Variants in ADGRL3 observed in about 807,000 individuals in gnomAD.
The protein encoded by ADGRL3 is calcium-independent alpha-latrotoxin receptor 3.
Under a neutral mutation model 153.5 loss-of-function variants are expected in ADGRL3, and 62 were observed. The observed-to-expected ratio is 0.40, with a 90% CI of 0.33 to 0.50. The LOEUF is 0.50. Among genes scored for constraint, ADGRL3 ranks in the 20% least tolerant of loss-of-function variants. The pLI, the probability that ADGRL3 is intolerant of heterozygous loss-of-function variation, is 0.47. For missense variants in ADGRL3, 1,641 were observed against 1,859.4 expected (o/e 0.88, Z 2.16); for synonymous variants, 710 against 672.5 (o/e 1.06, Z -0.86).
intron 9 of ADGRL3, among the ~76,000 whole-genome samples, chr4:61,838,223 A>T (rs1028789384): frequency 5.3e-5 from 8 of 152,140 alleles, no homozygotes; most frequent in Admixed American, 5.2e-4. Flanking sequence ...TCTATAAACC[A>T]CTTTGACCAT....
At chr4:61,213,567 C>G in intron 1 of ADGRL3, among the ~76,000 whole-genome samples, 1 of 152,100 alleles carries the variant, frequency 6.6e-6, no homozygotes. Flanking sequence ...TGGCATACCA[C>G]TGTGTTCACA....
At chr4:61,813,769 A>G in intron 8 of ADGRL3, 40 bp from the exon 9 acceptor site, 1 of 1,602,802 alleles carries the variant, frequency 6.2e-7, no homozygotes, top group South Asian at 1.1e-5. Flanking sequence ...GAAAAGACAT[A>G]CGTATGATGT....
At chr4:61,812,871 A>T (rs562225394) in intron 8 of ADGRL3, among the ~76,000 whole-genome samples, 2 of 152,266 alleles carry the variant, frequency 1.3e-5, no homozygotes, top group East Asian at 1.9e-4. Context: ...TAATCCATCT[A>T]CTTCCCTTTT....
intron 4 of ADGRL3, among the ~76,000 whole-genome samples, chr4:61,545,767 G>A (rs181568166): frequency 1.2e-4 from 19 of 152,122 alleles, no homozygotes; most frequent in African/African-American, 4.3e-4. Flanking sequence ...TTCCTGCCTC[G>A]GCCTCCCAAA....
chr4:61,586,742 C>A (rs1218754593), intron 4 of ADGRL3, among the ~76,000 whole-genome samples: 2 of 151,906 alleles, frequency 1.3e-5, no homozygotes, highest in African/African-American at 4.8e-5. Flanking sequence ...AGTGAACTCA[C>A]AAAGTATTGC....
rs1346300031 is a variant in ADGRL3, at chr4:61,517,441, A to T, written c.182A>T (p.His61Leu). 9 of 799,014 alleles carry T rather than the reference A, an allele frequency of 1.1e-5. No homozygotes were observed. The highest frequency in any genetic ancestry group is 2.9e-5 in the South Asian group (2 of 69,378). The allele number at this position is 799,014 out of a possible 1,614,324, so 49.5% of individuals were successfully genotyped here. A position where few individuals can be genotyped will look rare whatever the true frequency, so the allele number is the denominator to read the frequency against. The part of the protein sequence containing the change: ...QQPAAERTAA[H>L]RGQGPRGATR... ...CCAGCTGCAGAGCGCACCGCTGCTC[A>T]TCGTGGACAAGGGCCCCGTGGAGCT... The change falls in exon 4 of 27, where the codon CAT becomes CTT. Residue 61 changes from histidine to leucine, a missense_variant. His to Leu is a moderately conservative substitution (Grantham distance 99, BLOSUM62 -3). This residue lies in a region of ADGRL3 where 145 missense variants were observed against 79.1 expected (regional missense o/e 1.83). Transcript: ENST00000683033.
At chr4:61,249,549 A>G (rs758522595) in intron 1 of ADGRL3, among the ~76,000 whole-genome samples, 5 of 73,808 alleles carry the variant, frequency 6.8e-5, no homozygotes, top group African/African-American at 2.1e-4. Context: ...GCATGAAGGA[A>G]ACAAAGGAAA....
intron 1 of ADGRL3, among the ~76,000 whole-genome samples, chr4:61,319,542 C>A (rs979429570): frequency 5.9e-5 from 9 of 152,114 alleles, no homozygotes; most frequent in Non-Finnish European, 1.3e-4. Context: ...AGTTGATGAG[C>A]AGATCTGAAT....
At chr4:61,622,471 G>A (rs1391322) in intron 5 of ADGRL3, among the ~76,000 whole-genome samples, 149,445 of 152,198 alleles carry the variant, frequency 0.98, 73,419 homozygotes, top group East Asian at 1. Context: ...TTTCTTATCA[G>A]TTTAGTCTGA....
At chr4:61,417,220 G>T (rs1203882097) in intron 2 of ADGRL3, among the ~76,000 whole-genome samples, 4 of 152,088 alleles carry the variant, frequency 2.6e-5, no homozygotes, top group African/African-American at 9.7e-5. Context: ...AAGACCGGGG[G>T]TGGTGGCTTA....
chr4:61,818,736 T>G (rs551172526), intron 9 of ADGRL3, among the ~76,000 whole-genome samples: 1 of 152,260 alleles, frequency 6.6e-6, no homozygotes, highest in Non-Finnish European at 1.5e-5. Context: ...TGATAGATTC[T>G]ACTTCTTATT....
chr4:62,030,252 TATG>T (rs957049272), intron 22 of ADGRL3, among the ~76,000 whole-genome samples: 2 of 151,780 alleles, frequency 1.3e-5, no homozygotes, highest in Non-Finnish European at 3.0e-5. Flanking sequence ...GATAAACATA[TATG>T]ATTTTTCCCC....
intron 2 of ADGRL3, among the ~76,000 whole-genome samples, chr4:61,472,770 G>C (rs1402643714): frequency 6.6e-6 from 1 of 151,950 alleles, no homozygotes; most frequent in African/African-American, 2.4e-5. Flanking sequence ...TTGGAGAGAT[G>C]GCCCTGACTT....
rs140585073 is a variant in ADGRL3, at chr4:61,729,251, A to G, written c.584-1371A>G. ...ATAATAATATTTATTAATTAGCGAG[A>G]TGAAGGATCTAAAATTTGATAACCT... On this transcript the variant is annotated intron_variant, in intron 6 of 26. Transcript: ENST00000683033. Among the ~76,000 whole-genome samples the G allele has an allele frequency of 5.1e-3, 780 of 152,082 alleles. 8 individuals carry two copies. Among genetic ancestry groups the G allele is most frequent in the African/African-American group, 0.015 (609 of 41,552 alleles).
rs1745614713 is a variant in ADGRL3 at position 62,071,387 on chromosome 4, T to TC, written c.*480dup. ...TGTATCACATAGGGTTTTTGGTCAC[T>TC]CACAACCTGAATTCACCACAGCTGG... On this transcript the variant is annotated 3_prime_UTR_variant, in exon 27 of 27. Transcript: ENST00000683033. 1 of 167,802 alleles carries TC rather than the reference T, an allele frequency of 6.0e-6. No homozygotes were observed. Among genetic ancestry groups the TC allele is most frequent in the Non-Finnish European group, 1.3e-5 (1 of 78,058 alleles). 10.4% of individuals were successfully genotyped at this position (167,802 alleles called of 1,614,324 possible). A position where few individuals can be genotyped will look rare whatever the true frequency, so the allele number is the denominator to read the frequency against.
intron 8 of ADGRL3, among the ~76,000 whole-genome samples, chr4:61,801,401 A>T (rs955162865): frequency 2.0e-5 from 3 of 152,106 alleles, no homozygotes; most frequent in African/African-American, 7.2e-5. Flanking sequence ...ACATGATGTG[A>T]AACAGGTTTT....
Position 61,589,208 on chromosome 4 carries a change from A to G in ADGRL3, c.473+1768A>G, listed in dbSNP as rs369063908. Reference sequence around the variant, plus strand: ...AAACCCTCCTGGTGGTTTCACAAATATGAGTTGTCAGTTAGCTGAAATAAC... The same window carrying G: ...AAACCCTCCTGGTGGTTTCACAAATGTGAGTTGTCAGTTAGCTGAAATAAC... On this transcript the variant is annotated intron_variant, in intron 5 of 26. Coordinates refer to ENST00000683033, the MANE Select transcript of ADGRL3 (RefSeq NM_001387552.1). Among the ~76,000 whole-genome samples, 12 of 152,090 alleles carry G rather than the reference A, an allele frequency of 7.9e-5. No homozygotes were observed. The East Asian group carries it at 1.7e-3, about 22-fold the overall frequency.
intron 17 of ADGRL3, among the ~76,000 whole-genome samples, chr4:61,962,039 G>A (rs984880306): frequency 1.3e-5 from 2 of 151,900 alleles, no homozygotes; most frequent in African/African-American, 4.8e-5. Context: ...AAAGTAAGTT[G>A]TTCAGCCTGG....
chr4:61,525,025 T>C (rs971629478), intron 4 of ADGRL3, among the ~76,000 whole-genome samples: 2 of 152,064 alleles, frequency 1.3e-5, no homozygotes, highest in African/African-American at 4.8e-5. Flanking sequence ...CTTTATAAGG[T>C]TGTTCCTTTC....
Sources: gnomAD v4.1 joint callset for allele counts (sites outside exome capture counted in the v4.1 genomes callset) on GRCh38, gnomAD v4.1.1 for gene constraint, gnomAD v4.1.1 regional missense constraint, MANE v1.5 for transcripts, NCBI Gene and HGNC (gene_info 2026-07-23, HGNC 2026-07-21) for gene names.